Variants in DOCK7 observed in about 807,000 individuals in gnomAD.
DOCK7 encodes the protein dedicator of cytokinesis protein 7.
DOCK7 carries 138 observed loss-of-function variants against 271.0 expected under a neutral mutation model. The observed-to-expected ratio is 0.51, with a 90% CI of 0.44 to 0.59. The LOEUF is 0.59. Ranked by LOEUF, DOCK7 falls within the 20% of genes least tolerant of loss-of-function variation. The pLI is 0.00. For synonymous variants in DOCK7, 823 were observed against 876.1 expected, an observed-to-expected ratio of 0.94 and a Z score of 1.07; for missense variants, 2,066 against 2,592.4, an observed-to-expected ratio of 0.80 and a Z score of 4.41.
In DOCK7 at chr1:62,639,426, C is replaced by CTTTTTTTTTTTTT. The variant is rs386367151; in HGVS notation, c.819-2836_819-2824dup. 2.6e-4 allele frequency among the ~76,000 whole-genome samples: 20 copies of CTTTTTTTTTTTTT among 75,862 alleles called. 1 individual carries two copies. Among genetic ancestry groups the CTTTTTTTTTTTTT allele is most frequent in the African/African-American group, 1.2e-3 (20 of 17,006 alleles). 49.8% of individuals were successfully genotyped at this position (75,862 alleles called of 152,430 possible). A position where few individuals can be genotyped will look rare whatever the true frequency, so the allele number is the denominator to read the frequency against. ...AACTTAGTGCAAACTTTGTAATACT[C>CTTTTTTTTTTTTT]TTTTTTTTTTTTTTTTTTTTTTTTT... On this transcript the variant is annotated intron_variant, in intron 7 of 49. Transcript: ENST00000635253.
intron 14 of DOCK7, among the ~76,000 whole-genome samples, chr1:62,594,348 A>G (rs986003054): frequency 8.3e-5 from 11 of 132,118 alleles, no homozygotes; most frequent in African/African-American, 3.4e-4. Flanking sequence ...ATAATCAATA[A>G]TGCTGTTCAA....
chr1:62,556,079 C>T, intron 20 of DOCK7, 90 bp from the exon 21 acceptor site: 5 of 1,306,556 alleles, frequency 3.8e-6, no homozygotes, highest in Non-Finnish European at 5.4e-6. Context: ...TCTTTGCATA[C>T]TTTAAGTATA....
At chr1:62,508,805 T>A (rs1316052760) in intron 34 of DOCK7, among the ~76,000 whole-genome samples, 1 of 152,180 alleles carries the variant, frequency 6.6e-6, no homozygotes, top group Admixed American at 6.5e-5. Flanking sequence ...AATACTAATA[T>A]TTGTAAAAGT....
intron 14 of DOCK7, among the ~76,000 whole-genome samples, chr1:62,615,390 T>G (rs1446898128): frequency 1.6e-4 from 25 of 151,858 alleles, no homozygotes; most frequent in Non-Finnish European, 1.5e-5. Flanking sequence ...TACTTGCTAC[T>G]AACAGAGCAC....
At chr1:62,460,719 C>T (rs1397605575) in intron 48 of DOCK7, among the ~76,000 whole-genome samples, 1 of 151,914 alleles carries the variant, frequency 6.6e-6, no homozygotes, top group Non-Finnish European at 1.5e-5. Flanking sequence ...TGCAGTGGCA[C>T]GATCTCAGCT....
At chr1:62,503,364 T>C (rs951884109) in intron 37 of DOCK7, among the ~76,000 whole-genome samples, 1 of 151,104 alleles carries the variant, frequency 6.6e-6, no homozygotes, top group African/African-American at 2.4e-5. Context: ...AATACACAGA[T>C]CCACAGTAAA....
intron 16 of DOCK7, among the ~76,000 whole-genome samples, chr1:62,582,606 A>C (rs35194512): frequency 0.33 from 46,925 of 140,978 alleles, 8,134 homozygotes; most frequent in African/African-American, 0.42. Flanking sequence ...TGGGCCCCAA[A>C]AAAAAAAAGA....
chr1:62,595,181 A>C (rs969773728), intron 14 of DOCK7, among the ~76,000 whole-genome samples: 1 of 152,188 alleles, frequency 6.6e-6, no homozygotes, highest in East Asian at 1.9e-4. Flanking sequence ...GAAAATCTAG[A>C]CTATAACAAA....
At chr1:62,673,477 C>T (rs1297516218) in intron 1 of DOCK7, among the ~76,000 whole-genome samples, 2 of 152,044 alleles carry the variant, frequency 1.3e-5, no homozygotes, top group Admixed American at 1.3e-4. Context: ...ATTATAATTA[C>T]ATAAAGAAAA....
At chr1:62,561,786 T>C (rs779588944) in intron 18 of DOCK7, 83 bp from the exon 19 acceptor site, 333 of 720,920 alleles carry the variant, frequency 4.6e-4, no homozygotes, top group Non-Finnish European at 2.4e-4. Context: ...AATATCCCAA[T>C]GAGAAAAATA....
intron 1 of DOCK7, among the ~76,000 whole-genome samples, chr1:62,680,407 A>C (rs1166959486): frequency 2.0e-5 from 3 of 152,146 alleles, no homozygotes; most frequent in Non-Finnish European, 4.4e-5. Flanking sequence ...TTAAAGACTT[A>C]CATGTTAAAC....
intron 46 of DOCK7, 166 bp from the exon 47 acceptor site, chr1:62,475,517 T>G: frequency 8.8e-7 from 1 of 1,139,998 alleles, no homozygotes; most frequent in Non-Finnish European, 1.2e-6. Context: ...AAATCAACCT[T>G]TTAAAGAAAA....
At chr1:62,496,745 T>C (rs1571297289) in intron 37 of DOCK7, among the ~76,000 whole-genome samples, 1 of 152,294 alleles carries the variant, frequency 6.6e-6, no homozygotes. Flanking sequence ...TTAGAAATTC[T>C]GCTTATCTCT....
At chr1:62,499,095 T>A (rs1402397582) in intron 37 of DOCK7, among the ~76,000 whole-genome samples, 1 of 152,258 alleles carries the variant, frequency 6.6e-6, no homozygotes, top group Non-Finnish European at 1.5e-5. Flanking sequence ...AGCCACTGCG[T>A]CCAGCCACCT....
At chr1:62,601,977 A>T in intron 14 of DOCK7, 1 of 702,830 alleles carries the variant, frequency 1.4e-6, no homozygotes, top group South Asian at 1.6e-5. Context: ...TTATACATAT[A>T]TATATGAAAT....
chr1:62,499,142 T>C (rs1202366104), intron 37 of DOCK7, among the ~76,000 whole-genome samples: 1 of 152,222 alleles, frequency 6.6e-6, no homozygotes. Flanking sequence ...ACTAATACTA[T>C]AAATTGTCCT....
At chr1:62,466,132 G>A (rs575310712) in intron 48 of DOCK7, among the ~76,000 whole-genome samples, 27 of 152,246 alleles carry the variant, frequency 1.8e-4, no homozygotes, top group African/African-American at 6.5e-4. Flanking sequence ...CAGCAGACAA[G>A]CTCCCAGATG....
At chr1:62,600,506 T>C (rs375355224) in intron 14 of DOCK7, among the ~76,000 whole-genome samples, 5 of 151,792 alleles carry the variant, frequency 3.3e-5, no homozygotes, top group African/African-American at 1.2e-4. Context: ...ATTCAATAAA[T>C]TGCAAACCCA....
At chr1:62,457,812 C>T in intron 48 of DOCK7, 107 bp from the exon 49 acceptor site, 1 of 1,047,726 alleles carries the variant, frequency 9.5e-7, no homozygotes, top group South Asian at 1.5e-5. Flanking sequence ...CTTAATGACA[C>T]ACAACACAGA....
Sources: gnomAD v4.1 joint callset for allele counts (sites outside exome capture counted in the v4.1 genomes callset) on GRCh38, gnomAD v4.1.1 for gene constraint, MANE v1.5 for transcripts, NCBI Gene and HGNC (gene_info 2026-07-23, HGNC 2026-07-21) for gene names.